The following LRBA variants were observed in gnomAD, a reference collection of about 807,000 sequenced individuals.
LRBA encodes the protein LPS responsive beige-like anchor protein.
Under a neutral mutation model 330.0 loss-of-function variants are expected in LRBA, and 176 were observed. The observed-to-expected ratio is 0.53, with a 90% confidence interval of 0.47 to 0.60. LRBA has a LOEUF of 0.60. Ranked by LOEUF, LRBA falls within the 20% of genes least tolerant of loss-of-function variation. LRBA has a pLI of 0.00. For synonymous variants in LRBA, 1,230 were observed against 1,193.0 expected, an observed-to-expected ratio of 1.03 and a Z score of -0.64; for missense variants, 3,259 against 3,444.8, an observed-to-expected ratio of 0.95 and a Z score of 1.35.
At chr4:150,688,470 A>G (rs1374855153) in intron 36 of LRBA, among the ~76,000 whole-genome samples, 1 of 152,240 alleles carries the variant, frequency 6.6e-6, no homozygotes, top group Non-Finnish European at 1.5e-5. Context: ...TAATTAAACT[A>G]AAGAGCTCCT....
Position 150,349,915 on chromosome 4 carries a change from TG to T in LRBA, c.7362+76del, listed in dbSNP as rs1736909338. On this transcript the variant is annotated intron_variant, in intron 48 of 56. Transcript: ENST00000651943. Reference sequence around the variant, plus strand: ...TTTCTTCATCACTAAAATCAAAGGATGGGGGAGGTGTTCTCTAGCTCCTTCT... The same window carrying T: ...TTTCTTCATCACTAAAATCAAAGGATGGGGAGGTGTTCTCTAGCTCCTTCT... The T allele has an allele frequency of 1.5e-5, 19 of 1,241,472 alleles. No homozygotes were observed. In the South Asian group the frequency reaches 2.3e-4, roughly 15 times the overall value. 76.9% of individuals were successfully genotyped at this position (1,241,472 alleles called of 1,614,324 possible).
intron 48 of LRBA, among the ~76,000 whole-genome samples, chr4:150,347,475 A>G (rs1736534860): frequency 6.6e-6 from 1 of 152,024 alleles, no homozygotes; most frequent in Non-Finnish European, 1.5e-5. Flanking sequence ...GTGAGACCCC[A>G]TCTCTACTAA....
chr4:150,954,096 G>A (rs1357085476), intron 2 of LRBA, among the ~76,000 whole-genome samples: 7 of 150,806 alleles, frequency 4.6e-5, no homozygotes, highest in Middle Eastern at 3.4e-3. Flanking sequence ...CAGCCGCCCC[G>A]TCTGGGAAGT....
rs915827546 is a variant in LRBA at position 150,277,938 on chromosome 4, G to A, written c.8383C>T (p.Arg2795Trp). 14 of 1,613,964 alleles carry A rather than the reference G, an allele frequency of 8.7e-6. No individual in the cohort carries two copies. Among genetic ancestry groups the A allele is most frequent in the African/African-American group, 4.0e-5 (3 of 74,910 alleles). ...AGCTGCTTGAGGTCCGACACCTGCC[G>A]GACCACGACCACTCCTCTGTCTCCT... is the stretch of plus-strand genomic sequence containing the variant. ...TGGDRGVVVV[R>W]QVSDLKQLFA... The change falls in exon 56 of 57, where the codon CGG (arginine) becomes TGG (tryptophan). Residue 2795 changes from arginine to tryptophan, a missense_variant. Coordinates refer to ENST00000651943, the MANE Select transcript of LRBA (RefSeq NM_001364905.1).
chr4:150,985,012 C>G (rs890810225), intron 2 of LRBA, among the ~76,000 whole-genome samples: 17 of 152,160 alleles, frequency 1.1e-4, no homozygotes, highest in African/African-American at 3.9e-4. Context: ...AATCCCAGTA[C>G]TTTGGGAGGC....
intron 50 of LRBA, among the ~76,000 whole-genome samples, chr4:150,318,960 C>G (rs1732101996): frequency 6.6e-6 from 1 of 152,218 alleles, no homozygotes; most frequent in Admixed American, 6.5e-5. Context: ...ACCCCTAAAT[C>G]ACTTTACATA....
intron 53 of LRBA, among the ~76,000 whole-genome samples, chr4:150,301,340 T>C (rs1216949274): frequency 6.6e-6 from 1 of 152,074 alleles, no homozygotes; most frequent in African/African-American, 2.4e-5. Flanking sequence ...CCCCGACATA[T>C]ACACACACTA....
At chr4:150,615,552 G>A (rs1775691632) in intron 37 of LRBA, among the ~76,000 whole-genome samples, 1 of 152,096 alleles carries the variant, frequency 6.6e-6, no homozygotes, top group South Asian at 2.1e-4. Context: ...GAGAGAAGAG[G>A]AGGCACTGAT....
At chr4:150,533,103 G>C (rs1764222157) in intron 40 of LRBA, among the ~76,000 whole-genome samples, 1 of 152,096 alleles carries the variant, frequency 6.6e-6, no homozygotes, top group Admixed American at 6.6e-5. Context: ...TCTGAATCTA[G>C]ATAACAATGT....
chr4:151,014,432 T>A lies in LRBA; in HGVS notation c.211A>T (p.Asn71Tyr). The change falls in exon 2 of 57, where the codon AAC becomes TAC. Residue 71 changes from asparagine (N) to tyrosine (Y), a missense_variant. Asn to Tyr is a moderately radical substitution (Grantham distance 143). Coordinates refer to ENST00000651943, the MANE Select transcript of LRBA (RefSeq NM_001364905.1). ...TAAAATATTCATGGACTTACCAGGT[T>A]AAAGACAGTTTCTACAATATCCCTA... Reference protein sequence around the residue: ...SNRDIVETVFNLLVGGQFDLE... With the variant: ...SNRDIVETVFYLLVGGQFDLE... 3 of 1,613,248 alleles carry A rather than the reference T, an allele frequency of 1.9e-6. No individual in the cohort carries two copies. Among genetic ancestry groups the A allele is most frequent in the Non-Finnish European group, 2.5e-6 (3 of 1,179,206 alleles).
chr4:150,493,176 G>A (rs1024548702), intron 40 of LRBA, among the ~76,000 whole-genome samples: 1 of 151,986 alleles, frequency 6.6e-6, no homozygotes, highest in Non-Finnish European at 1.5e-5. Context: ...TAGAGATGAG[G>A]TCTCACTATG....
At chr4:150,886,449 G>A (rs1040836084) in intron 17 of LRBA, among the ~76,000 whole-genome samples, 2 of 152,176 alleles carry the variant, frequency 1.3e-5, no homozygotes, top group Non-Finnish European at 1.5e-5. Flanking sequence ...GCATGGGTGT[G>A]GGACAAACCC....
chr4:150,582,866 C>T, intron 40 of LRBA: 2 of 679,972 alleles, frequency 2.9e-6, no homozygotes, highest in Non-Finnish European at 4.6e-6. Flanking sequence ...AAGCCGGCTA[C>T]GGTATCAGCC....
chr4:150,757,374 A>G (rs1329805146), intron 35 of LRBA, among the ~76,000 whole-genome samples: 1 of 152,146 alleles, frequency 6.6e-6, no homozygotes, highest in Non-Finnish European at 1.5e-5. Flanking sequence ...TGAACTTAGT[A>G]ATTGATTTGC....
chr4:150,824,220 T>C (rs1316659191), intron 30 of LRBA, among the ~76,000 whole-genome samples: 4 of 152,180 alleles, frequency 2.6e-5, no homozygotes. Context: ...CTTTTTCAGA[T>C]TGTTCACTGT....
intron 40 of LRBA, among the ~76,000 whole-genome samples, chr4:150,554,091 G>T (rs1414351643): frequency 1.3e-5 from 2 of 152,180 alleles, no homozygotes; most frequent in African/African-American, 2.4e-5. Context: ...AGGACATGAA[G>T]GAGTTTCTTG....
intron 22 of LRBA, among the ~76,000 whole-genome samples, chr4:150,858,231 C>T (rs895733459): frequency 6.6e-6 from 1 of 152,094 alleles, no homozygotes; most frequent in African/African-American, 2.4e-5. Flanking sequence ...AAGGTACATG[C>T]CTGCAGTCCC....
intron 53 of LRBA, among the ~76,000 whole-genome samples, chr4:150,295,194 CTTTTTTTTTTTT>C (rs146893381): frequency 8.8e-6 from 1 of 113,832 alleles, no homozygotes; most frequent in South Asian, 2.7e-4. Flanking sequence ...ATTAAAATAG[CTTTTTTTTTTTT>C]TTTTTTTTTT....
chr4:150,838,852 G>A (rs1047671594), intron 28 of LRBA, among the ~76,000 whole-genome samples: 1 of 152,076 alleles, frequency 6.6e-6, no homozygotes, highest in African/African-American at 2.4e-5. Flanking sequence ...GCGTTCCTTT[G>A]GAGGGGGAGA....
Sources: gnomAD v4.1 joint callset for allele counts (sites outside exome capture counted in the v4.1 genomes callset) on GRCh38, gnomAD v4.1.1 for gene constraint, MANE v1.5 for transcripts, NCBI Gene and HGNC (gene_info 2026-07-23, HGNC 2026-07-21) for gene names.